Variants in SLC25A31 observed in about 807,000 individuals in gnomAD.
The protein encoded by SLC25A31 is solute carrier family 25 member 31.
SLC25A31 carries 40 observed loss-of-function variants against 36.2 expected under a neutral mutation model. The ratio of observed to expected loss-of-function variants is 1.10; its 90% CI spans 0.86 to 1.44. The LOEUF is 1.44. SLC25A31 is among the 40% of genes most tolerant of loss of function. The pLI, the probability that SLC25A31 is intolerant of heterozygous loss-of-function variation, is 0.00. For synonymous variants in SLC25A31, 143 were observed against 149.7 expected (o/e 0.96, Z 0.32); for missense variants, 350 against 397.1 (o/e 0.88, Z 1.01).
chr4:127,755,877 A>G lies in SLC25A31; in HGVS notation c.361-8366A>G, dbSNP rs188805081. Among the ~76,000 whole-genome samples, 202 of 152,310 alleles carry G rather than the reference A, an allele frequency of 1.3e-3. 1 individual carries two copies. Among genetic ancestry groups the G allele is most frequent in the Middle Eastern group, 3.4e-3 (1 of 294 alleles). On this transcript the variant is annotated intron_variant, in intron 2 of 5. Coordinates refer to ENST00000281154, the MANE Select transcript of SLC25A31 (RefSeq NM_031291.4). ...GTGAAACTCCATCTCTACTAAAAAT[A>G]CAAAAATTAGCTGAGCGTGGTGGTG...
chr4:127,752,988 G>T (rs1485648953), intron 2 of SLC25A31, among the ~76,000 whole-genome samples: 1 of 152,182 alleles, frequency 6.6e-6, no homozygotes, highest in Non-Finnish European at 1.5e-5. Flanking sequence ...TAAGGAGGTT[G>T]AAATCATGTC....
intron 2 of SLC25A31, among the ~76,000 whole-genome samples, chr4:127,761,542 A>G (rs1180370685): frequency 1.3e-5 from 2 of 152,002 alleles, no homozygotes; most frequent in Admixed American, 1.3e-4. Context: ...CTTTCTCTCT[A>G]ATTACCTGCT....
At position 127,730,589 on chromosome 4, in the gene SLC25A31, T is replaced by A. The variant is rs746829831; in HGVS notation, c.44T>A (p.Phe15Tyr). 6.2e-7 allele frequency: 1 copy of A among 1,614,094 alleles called. No homozygotes were observed. Among genetic ancestry groups the A allele is most frequent in the Non-Finnish European group, 8.5e-7 (1 of 1,179,942 alleles). ...AAAAAGAAGGCAGAAAAGCGGCTGTTTGACGCCTCATCCTTCGGGAAGGAC... is the reference window on the plus strand; with the variant it reads ...AAAAAGAAGGCAGAAAAGCGGCTGTATGACGCCTCATCCTTCGGGAAGGAC... Reference protein sequence around the residue: ...PAKKKAEKRLFDASSFGKDLL... With the variant: ...PAKKKAEKRLYDASSFGKDLL... Residue 15 changes from phenylalanine to tyrosine, a missense_variant, in exon 1 of 6, where the codon TTT (phenylalanine) becomes TAT (tyrosine). Phe to Tyr is a conservative substitution (Grantham distance 22). Transcript: ENST00000281154.
rs191334644 is a variant in SLC25A31 at position 127,745,143 on chromosome 4, G to A, written c.360+344G>A. Among the ~76,000 whole-genome samples the A allele has an allele frequency of 3.2e-3, 480 of 152,180 alleles. 5 individuals carry two copies. Among genetic ancestry groups the A allele is most frequent in the African/African-American group, 0.011 (464 of 41,528 alleles). On this transcript the variant is annotated intron_variant, in intron 2 of 5. Transcript: ENST00000281154. Reference sequence around the variant, plus strand: ...AGCGCAGAAAGAAATCAACAAGTACGTAGTTCCTATTACTGAGGTAATTTA... The same window carrying A: ...AGCGCAGAAAGAAATCAACAAGTACATAGTTCCTATTACTGAGGTAATTTA...
chr4:127,738,466 T>A (rs1731673657), intron 1 of SLC25A31, among the ~76,000 whole-genome samples: 1 of 152,222 alleles, frequency 6.6e-6, no homozygotes, highest in Non-Finnish European at 1.5e-5. Context: ...TCTGTTGTGG[T>A]CAGAGTATGG....
At chr4:127,743,917 A>C (rs1731776756) in intron 1 of SLC25A31, among the ~76,000 whole-genome samples, 1 of 152,234 alleles carries the variant, frequency 6.6e-6, no homozygotes, top group Admixed American at 6.5e-5. Context: ...TGTTCAGAAC[A>C]GCAAGGCCAA....
intron 2 of SLC25A31, among the ~76,000 whole-genome samples, chr4:127,754,739 C>T (rs1228938258): frequency 2.0e-5 from 3 of 152,086 alleles, no homozygotes; most frequent in African/African-American, 7.2e-5. Context: ...TAAAATGCCC[C>T]TACTATCCAA....
intron 2 of SLC25A31, among the ~76,000 whole-genome samples, chr4:127,753,071 A>G (rs1731966371): frequency 6.6e-6 from 1 of 152,196 alleles, no homozygotes; most frequent in South Asian, 2.1e-4. Flanking sequence ...AAAATCACAA[A>G]TATGTGGAAA....
intron 5 of SLC25A31, 24 bp from the exon 6 acceptor site, chr4:127,773,362 A>C (rs751835085): frequency 1.0e-5 from 16 of 1,586,578 alleles, no homozygotes; most frequent in Non-Finnish European, 1.3e-5. Flanking sequence ...GATAATGGAA[A>C]ACCCTTTGTT....
chr4:127,731,329 G>T (rs1474339179), intron 1 of SLC25A31, among the ~76,000 whole-genome samples: 2 of 151,822 alleles, frequency 1.3e-5, no homozygotes, highest in African/African-American at 4.8e-5. Context: ...TTCTACTGAA[G>T]ACCAAGGGGG....
At chr4:127,771,249 G>A (rs916698903) in intron 5 of SLC25A31, among the ~76,000 whole-genome samples, 4 of 152,060 alleles carry the variant, frequency 2.6e-5, no homozygotes, top group Middle Eastern at 3.4e-3. Context: ...GAACCACCAC[G>A]TCTGGCCTGT....
intron 2 of SLC25A31, among the ~76,000 whole-genome samples, chr4:127,747,078 A>T (rs892106604): frequency 6.6e-6 from 1 of 152,002 alleles, no homozygotes; most frequent in Admixed American, 6.6e-5. Flanking sequence ...AGATTAGATG[A>T]CTGTAGATGT....
At chr4:127,751,192 C>T (rs1033595502) in intron 2 of SLC25A31, among the ~76,000 whole-genome samples, 2 of 152,100 alleles carry the variant, frequency 1.3e-5, no homozygotes, top group African/African-American at 4.8e-5. Flanking sequence ...GCTACAGTAA[C>T]CAAAACAGCA....
chr4:127,735,884 A>ATTT (rs1168050637), intron 1 of SLC25A31, among the ~76,000 whole-genome samples: 5 of 64,060 alleles, frequency 7.8e-5, no homozygotes, highest in Admixed American at 2.1e-4. Context: ...TTATTTATTT[A>ATTT]TTTATTTATT....
At chr4:127,756,796 T>C (rs1412003997) in intron 2 of SLC25A31, among the ~76,000 whole-genome samples, 2 of 152,256 alleles carry the variant, frequency 1.3e-5, no homozygotes, top group South Asian at 2.1e-4. Flanking sequence ...TATCACTAAA[T>C]ACCTACAATA....
intron 5 of SLC25A31, among the ~76,000 whole-genome samples, chr4:127,769,838 A>C (rs1732318814): frequency 6.6e-6 from 1 of 152,248 alleles, no homozygotes; most frequent in Non-Finnish European, 1.5e-5. Context: ...TTCTAAGCAT[A>C]GGGGGAAAAT....
chr4:127,735,766 A>G (rs891632360), intron 1 of SLC25A31, among the ~76,000 whole-genome samples: 6 of 149,542 alleles, frequency 4.0e-5, no homozygotes, highest in South Asian at 2.1e-4. Flanking sequence ...CTTTTTTTTT[A>G]ATTGATAGGC....
chr4:127,773,553 T>C lies in SLC25A31; in HGVS notation c.927T>C (p.His309=). Residue 309 remains histidine (H), a synonymous_variant, in exon 6 of 6, where the codon CAT becomes CAC. Coordinates refer to ENST00000281154, the MANE Select transcript of SLC25A31 (RefSeq NM_031291.4). ...VLYDKIKEFF[H]IDIGGR is the part of the protein sequence containing the mutation. ...ATGATAAAATTAAAGAATTCTTTCA[T>C]ATTGATATTGGTGGTAGGTAATCGG... is the stretch of plus-strand genomic sequence containing the variant. 6.2e-7 allele frequency: 1 copy of C among 1,601,262 alleles called. No individual in the cohort carries two copies. The highest frequency in any genetic ancestry group is 8.5e-7 in the Non-Finnish European group (1 of 1,175,916).
intron 1 of SLC25A31, among the ~76,000 whole-genome samples, chr4:127,742,560 AG>A (rs1196958914): frequency 6.6e-6 from 1 of 152,238 alleles, no homozygotes; most frequent in Admixed American, 6.5e-5. Flanking sequence ...CACCCAAAAC[AG>A]CCTTCTTCCC....
Sources: gnomAD v4.1 joint callset for allele counts (sites outside exome capture counted in the v4.1 genomes callset) on GRCh38, gnomAD v4.1.1 for gene constraint, MANE v1.5 for transcripts, NCBI Gene and HGNC (gene_info 2026-07-23, HGNC 2026-07-21) for gene names.